Variants in SKP2 observed in about 807,000 individuals in gnomAD.
SKP2 encodes S-phase kinase associated protein 2, also known as S-phase kinase-associated protein 2.
A neutral mutation model predicts 51.8 loss-of-function variants in SKP2; 16 were observed. That is an observed-to-expected ratio of 0.31 (90% CI 0.21 to 0.47). The LOEUF (loss-of-function observed/expected upper bound fraction) is 0.47, where lower values mean the gene tolerates loss of function less well. Ranked by LOEUF, SKP2 falls within the 20% of genes least tolerant of loss-of-function variation. The probability of loss-of-function intolerance (pLI) is 1.00; values close to 1 mark genes in which losing one functional copy is unlikely to be tolerated. For synonymous variants in SKP2, 176 were observed against 198.6 expected, an observed-to-expected ratio of 0.89 and a Z score of 0.96; for missense variants, 377 against 505.3, an observed-to-expected ratio of 0.75 and a Z score of 2.43.
At chr5:36,190,738 C>T (rs1015221269) in intron 6 of SKP2, among the ~76,000 whole-genome samples, 9 of 142,488 alleles carry the variant, frequency 6.3e-5, no homozygotes, top group Admixed American at 3.6e-4. Flanking sequence ...CCAGTTTCAA[C>T]AGTCATTGAT....
chr5:36,158,905 A>G (rs558651787), intron 2 of SKP2, among the ~76,000 whole-genome samples: 7 of 152,302 alleles, frequency 4.6e-5, no homozygotes, highest in South Asian at 2.1e-4. Context: ...TTTTGTCTTC[A>G]GCCTCATCCC....
At chr5:36,170,646 G>A (rs1745441214) in intron 6 of SKP2, among the ~76,000 whole-genome samples, 1 of 152,154 alleles carries the variant, frequency 6.6e-6, no homozygotes, top group Non-Finnish European at 1.5e-5. Flanking sequence ...TACTTGTATA[G>A]TGATCTCTTT....
Position 36,182,054 on chromosome 5 carries a change from C to T in SKP2, c.*23C>T. ...TGAAGTATTTATTGCAGGATGGTGT[C>T]TCTTCTTTAGAACAGGGAAAATAGG... is the stretch of plus-strand genomic sequence containing the variant. On this transcript the variant is annotated 3_prime_UTR_variant, in exon 10 of 10. Coordinates refer to ENST00000274255, the MANE Select transcript of SKP2 (RefSeq NM_005983.4). 2 of 1,611,850 alleles carry T rather than the reference C, an allele frequency of 1.2e-6. No homozygotes were observed. Among genetic ancestry groups the T allele is most frequent in the Non-Finnish European group, 8.5e-7 (1 of 1,178,588 alleles).
At chr5:36,161,290 G>GT (rs933097467) in intron 2 of SKP2, among the ~76,000 whole-genome samples, 3 of 56,824 alleles carry the variant, frequency 5.3e-5, no homozygotes, top group Non-Finnish European at 1.0e-4. Flanking sequence ...TACAAAAATT[G>GT]TTAAAAAAAA....
intron 2 of SKP2, among the ~76,000 whole-genome samples, chr5:36,161,122 T>G (rs1233612314): frequency 6.6e-6 from 1 of 152,100 alleles, no homozygotes; most frequent in Non-Finnish European, 1.5e-5. Flanking sequence ...AAGTTTCCTG[T>G]TTGTCTATAT....
In SKP2 at chr5:36,171,750, C is replaced by T. The variant is rs998897369; in HGVS notation, c.901+17C>T. On this transcript the variant is annotated intron_variant, in intron 7 of 9. Transcript: ENST00000274255. ...AGAAATCAGGTTAGAGCTTCCAAGCCTGGACCACTGAGGCCTTCACAACAT... is the reference window on the plus strand; with the variant it reads ...AGAAATCAGGTTAGAGCTTCCAAGCTTGGACCACTGAGGCCTTCACAACAT... 3 of 1,612,748 alleles carry T rather than the reference C, an allele frequency of 1.9e-6. No individual in the cohort carries two copies. The highest frequency in any genetic ancestry group is 2.5e-6 in the Non-Finnish European group (3 of 1,179,096).
Position 36,161,292 on chromosome 5 carries a change from TAAA to T in SKP2, c.281-2339_281-2337del, listed in dbSNP as rs5867306. On this transcript the variant is annotated intron_variant, in intron 2 of 9. Coordinates refer to ENST00000274255, the MANE Select transcript of SKP2 (RefSeq NM_005983.4). ...TAGTTCCTGAAAATACAAAAATTGT[TAAA>T]AAAAAAAAAAAAAGCGTTTTTGTTT... Among the ~76,000 whole-genome samples, 1,339 of 140,880 alleles carry T rather than the reference TAAA, an allele frequency of 9.5e-3. 11 individuals carry two copies. Among genetic ancestry groups the T allele is most frequent in the African/African-American group, 0.032 (1,224 of 37,896 alleles). 92.4% of individuals were successfully genotyped at this position (140,880 alleles called of 152,430 possible).
At chr5:36,186,583 C>T (rs1401761935), downstream of SKP2, among the ~76,000 whole-genome samples, 1 of 152,084 alleles carries the variant, frequency 6.6e-6, no homozygotes, top group African/African-American at 2.4e-5. Context: ...GCCTTGCATC[C>T]CAGGGATGAA....
In SKP2 at chr5:36,152,894, G is replaced by C; in HGVS notation, c.132G>C (p.Glu44Asp). The C allele has an allele frequency of 6.2e-7, 1 of 1,614,076 alleles. No homozygotes were observed. Among genetic ancestry groups the C allele is most frequent in the Non-Finnish European group, 8.5e-7 (1 of 1,180,030 alleles). Residue 44 changes from glutamate to aspartate, a missense_variant, in exon 2 of 10, where the codon GAG (glutamate) becomes GAC (aspartate). Glu to Asp is a conservative substitution (Grantham distance 45). This residue lies in a region of SKP2 where 115 missense variants were observed against 115.5 expected (regional missense o/e 1.00). Transcript: ENST00000274255. Reference protein sequence around the residue: ...SGMGVSALEKEEPDSENIPQE... With the variant: ...SGMGVSALEKDEPDSENIPQE... ...TGGGGGTCTCCGCCCTGGAGAAAGA[G>C]GAGCCCGACAGTGAGAACATCCCCC...
rs146575469 is a variant in SKP2, at chr5:36,174,218, G to A, written c.901+2485G>A. ...ATCTCTCCTTTGAAGTAACGGGTTGGATTAACGGGTGGTTTCTAAGATCCT... is the reference window on the plus strand; with the variant it reads ...ATCTCTCCTTTGAAGTAACGGGTTGAATTAACGGGTGGTTTCTAAGATCCT... On this transcript the variant is annotated intron_variant, in intron 7 of 9. Coordinates refer to ENST00000274255, the MANE Select transcript of SKP2 (RefSeq NM_005983.4). Among the ~76,000 whole-genome samples the A allele has an allele frequency of 7.1e-3, 1,082 of 152,226 alleles. 17 individuals carry two copies. Among genetic ancestry groups the A allele is most frequent in the African/African-American group, 0.025 (1,036 of 41,544 alleles).
In SKP2 at chr5:36,182,545, A is replaced by C; in HGVS notation, c.*514A>C. 1.0e-6 allele frequency: 1 copy of C among 984,882 alleles called. No individual in the cohort carries two copies. The highest frequency in any genetic ancestry group is 1.2e-6 in the Non-Finnish European group (1 of 829,362). 61.0% of individuals were successfully genotyped at this position (984,882 alleles called of 1,614,324 possible). ...CATCTTTTCTAGGAATAGGAAAGAG[A>C]AAAATGTATTTGAATTTTGCCTTTA... On this transcript the variant is annotated 3_prime_UTR_variant, in exon 10 of 10. Coordinates refer to ENST00000274255, the MANE Select transcript of SKP2 (RefSeq NM_005983.4).
intron 3 of SKP2, among the ~76,000 whole-genome samples, chr5:36,164,083 C>T (rs943728051): frequency 3.9e-5 from 6 of 152,132 alleles, no homozygotes; most frequent in Non-Finnish European, 7.4e-5. Context: ...TTCCTCACGC[C>T]GCTGGGCTGA....
intron 7 of SKP2, among the ~76,000 whole-genome samples, chr5:36,173,800 T>C (rs1435730125): frequency 3.9e-5 from 6 of 152,148 alleles, no homozygotes. Context: ...TTAATGTCAT[T>C]AACAATAGCA....
chr5:36,184,895 C>T (rs190797266), downstream of SKP2, among the ~76,000 whole-genome samples: 395 of 152,294 alleles, frequency 2.6e-3, 2 homozygotes, highest in African/African-American at 9.2e-3. Flanking sequence ...TAAAAGTGAT[C>T]CTATATCTCC....
chr5:36,191,052 A>G (rs1477979104), intron 6 of SKP2, among the ~76,000 whole-genome samples: 1 of 152,098 alleles, frequency 6.6e-6, no homozygotes, highest in African/African-American at 2.4e-5. Context: ...CTTGTAATTT[A>G]TTTATTGAAG....
At chr5:36,172,323 G>A (rs1219199763) in intron 7 of SKP2, among the ~76,000 whole-genome samples, 1 of 152,180 alleles carries the variant, frequency 6.6e-6, no homozygotes, top group Non-Finnish European at 1.5e-5. Flanking sequence ...TTCAGTCCAA[G>A]AGGGCAACGA....
intron 3 of SKP2, among the ~76,000 whole-genome samples, chr5:36,164,371 A>G (rs1413194945): frequency 1.3e-5 from 2 of 152,192 alleles, no homozygotes; most frequent in Non-Finnish European, 2.9e-5. Context: ...ACACTTTTCA[A>G]GTGTGGAAGG....
At chr5:36,172,551 A>T (rs560772861) in intron 7 of SKP2, among the ~76,000 whole-genome samples, 3 of 152,344 alleles carry the variant, frequency 2.0e-5, no homozygotes, top group African/African-American at 7.2e-5. Flanking sequence ...TAAACCAGCA[A>T]CACACATCAA....
intron 2 of SKP2, among the ~76,000 whole-genome samples, chr5:36,154,931 C>A (rs946831835): frequency 5.9e-5 from 9 of 152,158 alleles, no homozygotes; most frequent in Non-Finnish European, 1.0e-4. Context: ...CTGTTGAAAT[C>A]ATCTGTGGAA....
Sources: allele counts gnomAD v4.1 joint callset (sites outside exome capture counted in the v4.1 genomes callset), GRCh38; gene constraint gnomAD v4.1.1; regional missense constraint gnomAD v4.1.1; transcripts MANE v1.5; gene names NCBI Gene and HGNC (gene_info 2026-07-23, HGNC 2026-07-21).